The following ADCY1 variants were observed in gnomAD, a reference collection of about 807,000 sequenced individuals.
The protein encoded by ADCY1 is adenylate cyclase type 1.
In ADCY1, 28 loss-of-function variants were observed where a neutral mutation model predicts 105.4. The observed-to-expected ratio is 0.27, with a 90% CI of 0.20 to 0.36. The LOEUF (loss-of-function observed/expected upper bound fraction) is 0.36, where lower values mean the gene tolerates loss of function less well. ADCY1 is among the 10% of genes least tolerant of loss of function. The pLI is 1.00. For synonymous variants in ADCY1, 655 were observed against 623.8 expected (o/e 1.05, Z -0.75); for missense variants, 977 against 1,434.2 (o/e 0.68, Z 5.15).
At chr7:45,582,878 C>T (rs1296048409) in intron 1 of ADCY1, among the ~76,000 whole-genome samples, 2 of 152,182 alleles carry the variant, frequency 1.3e-5, no homozygotes, top group Admixed American at 1.3e-4. Flanking sequence ...AGGAGCCCAC[C>T]GCAGCAGCCT....
At chr7:45,623,222 C>T (rs577775141) in intron 4 of ADCY1, among the ~76,000 whole-genome samples, 18 of 152,378 alleles carry the variant, frequency 1.2e-4, no homozygotes, top group Admixed American at 1.0e-3. Flanking sequence ...AGGCAGTGGC[C>T]ACCCTTGCCC....
chr7:45,679,716 G>A lies in ADCY1; in HGVS notation c.1906G>A (p.Val636Ile). ...ATGTTTTCTGTCCCCCAGGAGTGTG[G>A]TCGTCCTGCTCCTGCTAGTATTCTG... ...VYLLIFPQSV[V>I]VLLLLVFCIC... Residue 636 changes from valine to isoleucine, a missense_variant, in exon 11 of 20, where the codon GTC becomes ATC. Coordinates refer to ENST00000297323, the MANE Select transcript of ADCY1 (RefSeq NM_021116.4). 6.2e-7 allele frequency: 1 copy of A among 1,614,198 alleles called. No homozygotes were observed. Among genetic ancestry groups the A allele is most frequent in the Non-Finnish European group, 8.5e-7 (1 of 1,180,024 alleles).
chr7:45,701,305 CT>C (rs538629765), intron 14 of ADCY1, among the ~76,000 whole-genome samples: 1 of 152,088 alleles, frequency 6.6e-6, no homozygotes, highest in South Asian at 2.1e-4. Flanking sequence ...CAACAAAGAC[CT>C]TTGCATTTGT....
chr7:45,622,832 T>C (rs1793936991), intron 4 of ADCY1, 89 bp downstream of exon 4: 2 of 960,852 alleles, frequency 2.1e-6, no homozygotes, highest in Non-Finnish European at 3.2e-6. Context: ...ATTTGGACCA[T>C]GAACTAGACT....
chr7:45,619,529 A>G (rs561198676), intron 3 of ADCY1, among the ~76,000 whole-genome samples: 1 of 152,306 alleles, frequency 6.6e-6, no homozygotes, highest in East Asian at 1.9e-4. Flanking sequence ...CATATATACA[A>G]ATATTTATAC....
rs781610623 is a variant in ADCY1, at chr7:45,686,034, C to T, written c.2146C>T (p.Arg716Cys). Residue 716 changes from arginine to cysteine, a missense_variant, in exon 13 of 20, where the codon CGC becomes TGC. Transcript: ENST00000297323. The surrounding 1 kb of genome is among the most constrained non-coding windows in gnomAD (Gnocchi z 4.3). Reference protein sequence around the residue: ...SLVVLSSGGQRTALPTLPCES... With the variant: ...SLVVLSSGGQCTALPTLPCES... ...GGTGGTCCTTTCGTCTGGGGGCCAG[C>T]GCACAGCCCTGCCCACCCTGCCCTG... The T allele has an allele frequency of 4.3e-6, 7 of 1,613,942 alleles. No individual in the cohort carries two copies. Among genetic ancestry groups the T allele is most frequent in the South Asian group, 2.2e-5 (2 of 91,066 alleles).
intron 2 of ADCY1, among the ~76,000 whole-genome samples, chr7:45,608,319 G>A (rs992951236): frequency 6.6e-6 from 1 of 152,188 alleles, no homozygotes; most frequent in African/African-American, 2.4e-5. Context: ...AGAACAAGCT[G>A]TTTTTAAGGA....
chr7:45,575,250 G>A lies in ADCY1; in HGVS notation c.639+68G>A. On this transcript the variant is annotated intron_variant, in intron 1 of 19. Coordinates refer to ENST00000297323, the MANE Select transcript of ADCY1 (RefSeq NM_021116.4). The surrounding 1 kb of genome is among the most constrained non-coding windows in gnomAD (Gnocchi z 4.7). Reference sequence around the variant, plus strand: ...TGCTGGGACGATGCTGGGAATGCCCGGAGTCGGGCGCGCTTTTTCCTATGC... The same window carrying A: ...TGCTGGGACGATGCTGGGAATGCCCAGAGTCGGGCGCGCTTTTTCCTATGC... 1 of 1,501,866 alleles carries A rather than the reference G, an allele frequency of 6.7e-7. No individual in the cohort carries two copies. The highest frequency in any genetic ancestry group is 1.4e-5 in the African/African-American group (1 of 71,632). The allele number at this position is 1,501,866 out of a possible 1,614,324, so 93.0% of individuals were successfully genotyped here.
At chr7:45,673,082 C>G (rs1468088539) in intron 8 of ADCY1, among the ~76,000 whole-genome samples, 1 of 152,164 alleles carries the variant, frequency 6.6e-6, no homozygotes, top group Non-Finnish European at 1.5e-5. Context: ...ACCAGTTCAT[C>G]TGGTGGGTTA....
Position 45,636,984 on chromosome 7 carries a change from G to A in ADCY1, c.1021-11686G>A, listed in dbSNP as rs140931979. Among the ~76,000 whole-genome samples the A allele has an allele frequency of 2.7e-3, 412 of 152,272 alleles. 1 individual carries two copies. Among genetic ancestry groups the A allele is most frequent in the African/African-American group, 7.8e-3 (326 of 41,546 alleles). On this transcript the variant is annotated intron_variant, in intron 4 of 19. Coordinates refer to ENST00000297323, the MANE Select transcript of ADCY1 (RefSeq NM_021116.4). Reference sequence around the variant, plus strand: ...GGTTTGGTCTGTTACCTTGCCATTCGCTTTTTGTCTCATTTGTTCTTTGTT... The same window carrying A: ...GGTTTGGTCTGTTACCTTGCCATTCACTTTTTGTCTCATTTGTTCTTTGTT...
intron 2 of ADCY1, among the ~76,000 whole-genome samples, chr7:45,597,377 C>T (rs936368782): frequency 1.3e-5 from 2 of 152,186 alleles, no homozygotes; most frequent in African/African-American, 2.4e-5. Context: ...GTTCTTGCCC[C>T]GTTTGATAAG....
intron 1 of ADCY1, among the ~76,000 whole-genome samples, chr7:45,576,702 C>A (rs536762838): frequency 2.6e-5 from 4 of 152,120 alleles, no homozygotes; most frequent in Admixed American, 6.5e-5. Context: ...CCTCCACCCC[C>A]CATCTGTCTG....
At chr7:45,711,632 TATATATATATATAC>T (rs1366516749) in intron 19 of ADCY1, among the ~76,000 whole-genome samples, 1,646 of 25,012 alleles carry the variant, frequency 0.066, 41 homozygotes, top group Middle Eastern at 0.18. Flanking sequence ...TATATATATA[TATATATATATATAC>T]ACACACACAC....
At chr7:45,682,195 C>G (rs1372813673) in intron 11 of ADCY1, among the ~76,000 whole-genome samples, 1 of 152,130 alleles carries the variant, frequency 6.6e-6, no homozygotes, top group African/African-American at 2.4e-5. Flanking sequence ...TCAGATGAGA[C>G]AGAGAAGCTG....
At chr7:45,624,236 G>C (rs893236189) in intron 4 of ADCY1, among the ~76,000 whole-genome samples, 2 of 152,052 alleles carry the variant, frequency 1.3e-5, no homozygotes, top group Non-Finnish European at 2.9e-5. Context: ...AGCTGAGGCC[G>C]GTGAGACTTG....
chr7:45,652,288 T>C (rs1294107069), intron 5 of ADCY1, among the ~76,000 whole-genome samples: 1 of 152,216 alleles, frequency 6.6e-6, no homozygotes. Flanking sequence ...AGCCAAATCA[T>C]ATCAGGATGG....
At chr7:45,666,643 A>G (rs1187364939) in intron 8 of ADCY1, among the ~76,000 whole-genome samples, 1 of 152,234 alleles carries the variant, frequency 6.6e-6, no homozygotes, top group Non-Finnish European at 1.5e-5. Flanking sequence ...GTATATACCC[A>G]GTAATGGGAT....
In ADCY1 at chr7:45,677,712, A is replaced by G. The variant is rs567895813; in HGVS notation, c.1606-157A>G. ...TGGCTGCTGAGATGACTCACCTGCCATCTCACCACCAGCAGGGCAGAGTCA... is the reference window on the plus strand; with the variant it reads ...TGGCTGCTGAGATGACTCACCTGCCGTCTCACCACCAGCAGGGCAGAGTCA... On this transcript the variant is annotated intron_variant, in intron 8 of 19. Coordinates refer to ENST00000297323, the MANE Select transcript of ADCY1 (RefSeq NM_021116.4). Among the ~76,000 whole-genome samples, 23 of 152,264 alleles carry G rather than the reference A, an allele frequency of 1.5e-4. No homozygotes were observed. The South Asian group carries it at 4.8e-3, about 32-fold the overall frequency.
chr7:45,665,012 T>C (rs927059375), intron 8 of ADCY1, among the ~76,000 whole-genome samples: 11 of 152,196 alleles, frequency 7.2e-5, no homozygotes, highest in Non-Finnish European at 1.2e-4. Context: ...TTTCCACTTA[T>C]GAGTGAGAAC....
Sources: allele counts gnomAD v4.1 joint callset (sites outside exome capture counted in the v4.1 genomes callset), GRCh38; gene constraint gnomAD v4.1.1; non-coding constraint Gnocchi (gnomAD v3.1); transcripts MANE v1.5; gene names NCBI Gene and HGNC (gene_info 2026-07-23, HGNC 2026-07-21).